Variants in SPATS2 observed in about 807,000 individuals in gnomAD.
SPATS2 encodes the protein spermatogenesis associated serine rich 2, also known as spermatogenesis-associated serine-rich protein 2.
A neutral mutation model predicts 63.7 loss-of-function variants in SPATS2; 38 were observed. The ratio of observed to expected loss-of-function variants is 0.60; its 90% CI spans 0.46 to 0.78. SPATS2 has a LOEUF of 0.78. SPATS2 is among the 30% of genes least tolerant of loss of function. The pLI is 0.00. For missense variants in SPATS2, 588 were observed against 666.2 expected (o/e 0.88, Z 1.29); for synonymous variants, 207 against 232.9 (o/e 0.89, Z 1.01).
chr12:49,395,974 T>C (rs897945592), intron 2 of SPATS2, among the ~76,000 whole-genome samples: 4 of 152,226 alleles, frequency 2.6e-5, no homozygotes, highest in African/African-American at 9.6e-5. Context: ...TTTGAGTATT[T>C]TATATACCTC....
chr12:49,489,178 C>G (rs2137870262), intron 4 of SPATS2, among the ~76,000 whole-genome samples: 1 of 152,238 alleles, frequency 6.6e-6, no homozygotes, highest in South Asian at 2.1e-4. Context: ...ACATTAATAC[C>G]TGATACCGAA....
rs367939299 is a variant in SPATS2 at position 49,448,879 on chromosome 12, A to T, written c.-243-11891A>T. Among the ~76,000 whole-genome samples, 72 of 152,302 alleles carry T rather than the reference A, an allele frequency of 4.7e-4. No individual in the cohort carries two copies. The South Asian group carries it at 0.012, about 26-fold the overall frequency. ...TGGGAATTTCTTATGATCTATTATAAAATTTAACAAGCTTTCTCTATAAAG... is the reference window on the plus strand; with the variant it reads ...TGGGAATTTCTTATGATCTATTATATAATTTAACAAGCTTTCTCTATAAAG... On this transcript the variant is annotated intron_variant, in intron 2 of 13. Transcript: ENST00000552918.
chr12:49,397,833 T>TAAA (rs989085737), intron 2 of SPATS2, among the ~76,000 whole-genome samples: 6 of 82,324 alleles, frequency 7.3e-5, no homozygotes, highest in African/African-American at 3.0e-4. Flanking sequence ...CTTAGCTCTT[T>TAAA]AAAAAAAAAA....
intron 9 of SPATS2, among the ~76,000 whole-genome samples, chr12:49,513,184 AAATTG>A (rs1946779782): frequency 6.6e-6 from 1 of 151,724 alleles, no homozygotes; most frequent in Non-Finnish European, 1.5e-5. Flanking sequence ...GTATTGAGCT[AAATTG>A]AATTAGAGCG....
intron 2 of SPATS2, among the ~76,000 whole-genome samples, chr12:49,433,329 A>G (rs1945218533): frequency 6.6e-6 from 1 of 152,084 alleles, no homozygotes. Context: ...TGCCTGGCTA[A>G]TTTTTGTATT....
At chr12:49,452,782 C>T (rs924565206) in intron 2 of SPATS2, among the ~76,000 whole-genome samples, 2 of 151,046 alleles carry the variant, frequency 1.3e-5, no homozygotes, top group African/African-American at 4.9e-5. Flanking sequence ...AACCGTGGTT[C>T]TCTTTAAAAA....
intron 2 of SPATS2, among the ~76,000 whole-genome samples, chr12:49,381,331 C>T (rs941566142): frequency 6.6e-6 from 1 of 152,072 alleles, no homozygotes; most frequent in Non-Finnish European, 1.5e-5. Flanking sequence ...TTAGCTAATA[C>T]TATAGTTGTA....
chr12:49,461,144 C>A, intron 3 of SPATS2, 107 bp downstream of exon 3: 1 of 1,196,138 alleles, frequency 8.4e-7, no homozygotes, highest in Non-Finnish European at 1.2e-6. Flanking sequence ...AATGGTTTTA[C>A]AAGTATTTAT....
chr12:49,369,563 T>G (rs1261186145), intron 1 of SPATS2, among the ~76,000 whole-genome samples: 1 of 152,206 alleles, frequency 6.6e-6, no homozygotes, highest in Non-Finnish European at 1.5e-5. Flanking sequence ...ACCCTCATCT[T>G]GGTTATAGTA....
Position 49,526,634 on chromosome 12 carries a change from GTTCC to G in SPATS2, c.*380_*383del, listed in dbSNP as rs1947041061. On this transcript the variant is annotated 3_prime_UTR_variant, in exon 14 of 14. Coordinates refer to ENST00000552918, the MANE Select transcript of SPATS2 (RefSeq NM_023071.4). ...AGCCGAAGCCACAGGTGCCTGACAGGTTCCCTTCTAACAACTATTTGACCAAGAG... is the reference window on the plus strand; with the variant it reads ...AGCCGAAGCCACAGGTGCCTGACAGGCTTCTAACAACTATTTGACCAAGAG... 2 of 199,622 alleles carry G rather than the reference GTTCC, an allele frequency of 1.0e-5. No individual in the cohort carries two copies. Among genetic ancestry groups the G allele is most frequent in the African/African-American group, 4.7e-5 (2 of 42,522 alleles). The allele number at this position is 199,622 out of a possible 1,614,324, so 12.4% of individuals were successfully genotyped here.
At chr12:49,430,166 T>C (rs1169640530) in intron 2 of SPATS2, among the ~76,000 whole-genome samples, 2 of 149,200 alleles carry the variant, frequency 1.3e-5, no homozygotes, top group South Asian at 2.1e-4. Context: ...AGTGGTGTGA[T>C]CTTGGCGCAC....
Position 49,524,738 on chromosome 12 carries a change from G to A in SPATS2, c.1168G>A (p.Val390Met). Residue 390 changes from valine to methionine, a missense_variant, in exon 13 of 14, where the codon GTG (valine) becomes ATG (methionine). Val to Met is a conservative substitution (Grantham distance 21, BLOSUM62 1). Coordinates refer to ENST00000552918, the MANE Select transcript of SPATS2 (RefSeq NM_023071.4). ...ATCCCGATGTAGCTCAGTTACATCTGTGTCCTTGAGTAGCCCAAGTGATGC... is the reference window on the plus strand; with the variant it reads ...ATCCCGATGTAGCTCAGTTACATCTATGTCCTTGAGTAGCCCAAGTGATGC... ...TRSRCSSVTS[V>M]SLSSPSDASA... 1 of 1,614,156 alleles carries A rather than the reference G, an allele frequency of 6.2e-7. No individual in the cohort carries two copies. Among genetic ancestry groups the A allele is most frequent in the Non-Finnish European group, 8.5e-7 (1 of 1,180,026 alleles).
Position 49,497,019 on chromosome 12 carries a change from A to G in SPATS2, c.703+10A>G. The G allele has an allele frequency of 2.0e-6, 3 of 1,516,890 alleles. No individual in the cohort carries two copies. Among genetic ancestry groups the G allele is most frequent in the Non-Finnish European group, 2.6e-6 (3 of 1,135,696 alleles). 94.0% of individuals were successfully genotyped at this position (1,516,890 alleles called of 1,614,324 possible). On this transcript the variant is annotated intron_variant, in intron 8 of 13. Coordinates refer to ENST00000552918, the MANE Select transcript of SPATS2 (RefSeq NM_023071.4). ...ACCAGTAAAAAGCTAAGTAAGTCAG[A>G]GGCCCACCTGTGAGAGAAAATGAAA...
chr12:49,501,213 G>A (rs1040966955), intron 9 of SPATS2, among the ~76,000 whole-genome samples: 2 of 152,158 alleles, frequency 1.3e-5, no homozygotes, highest in Non-Finnish European at 2.9e-5. Context: ...GCCTGAAGCT[G>A]GGTAATTTAT....
chr12:49,420,718 G>A (rs968825134), intron 2 of SPATS2, among the ~76,000 whole-genome samples: 9 of 152,146 alleles, frequency 5.9e-5, no homozygotes, highest in African/African-American at 2.2e-4. Flanking sequence ...ATAGGATCAA[G>A]AATGCTTAAC....
At chr12:49,373,216 C>G (rs1944033475) in intron 2 of SPATS2, among the ~76,000 whole-genome samples, 2 of 152,212 alleles carry the variant, frequency 1.3e-5, no homozygotes, top group South Asian at 2.1e-4. Context: ...TCAGGTGATC[C>G]ACCCGCCTCG....
chr12:49,405,240 T>C, intron 2 of SPATS2, among the ~76,000 whole-genome samples: 1 of 152,198 alleles, frequency 6.6e-6, no homozygotes, highest in African/African-American at 2.4e-5. Flanking sequence ...ATATAATCTT[T>C]TTAATAATTT....
At chr12:49,434,580 G>A (rs1002935044) in intron 2 of SPATS2, among the ~76,000 whole-genome samples, 2 of 152,146 alleles carry the variant, frequency 1.3e-5, no homozygotes, top group African/African-American at 4.8e-5. Context: ...TGAAAAATAA[G>A]TATAAAGAAC....
chr12:49,481,791 T>A (rs140449768), intron 3 of SPATS2, among the ~76,000 whole-genome samples: 284 of 152,224 alleles, frequency 1.9e-3, no homozygotes, highest in African/African-American at 6.3e-3. Context: ...TTATGAATCT[T>A]GCCTGAGAAT....
Sources: gnomAD v4.1 joint callset for allele counts (sites outside exome capture counted in the v4.1 genomes callset) on GRCh38, gnomAD v4.1.1 for gene constraint, MANE v1.5 for transcripts, NCBI Gene and HGNC (gene_info 2026-07-23, HGNC 2026-07-21) for gene names.